The following KHK variants were observed in gnomAD, a reference collection of about 807,000 sequenced individuals.
KHK encodes the protein fructokinase.
Under a neutral mutation model 36.0 loss-of-function variants are expected in KHK, and 37 were observed. The ratio of observed to expected loss-of-function variants is 1.03; its 90% CI spans 0.79 to 1.35. The LOEUF (loss-of-function observed/expected upper bound fraction) is 1.35. KHK is among the 40% of genes most tolerant of loss of function. The probability of loss-of-function intolerance (pLI) is 0.00; values close to 1 mark genes in which losing one functional copy is unlikely to be tolerated. For missense variants in KHK, 395 were observed against 391.9 expected (o/e 1.01, Z -0.07); for synonymous variants, 161 against 162.8 (o/e 0.99, Z 0.08).
intron 1 of KHK, 107 bp from the exon 2 acceptor site, chr2:27,092,225 C>A: frequency 1.1e-6 from 1 of 913,302 alleles, no homozygotes; most frequent in Non-Finnish European, 1.8e-6. Flanking sequence ...GGCCTAGATG[C>A]TTTCTGAGAG....
chr2:27,099,784 CTA>C lies in KHK; in HGVS notation c.*35_*36del, dbSNP rs1354678558. The C allele has an allele frequency of 1.2e-6, 2 of 1,608,988 alleles. No individual in the cohort carries two copies. The highest frequency in any genetic ancestry group is 4.5e-5 in the East Asian group (2 of 44,570). Reference sequence around the variant, plus strand: ...GCCGGCTCCTCACACACCATGGAGACTACCATTGCGGCTGCATCGCCTTCTCC... The same window carrying C: ...GCCGGCTCCTCACACACCATGGAGACCCATTGCGGCTGCATCGCCTTCTCC... On this transcript the variant is annotated 3_prime_UTR_variant, in exon 8 of 8. Coordinates refer to ENST00000260598, the MANE Select transcript of KHK (RefSeq NM_006488.3).
chr2:27,099,754 C>T lies in KHK; in HGVS notation c.*4C>T. ...GGGCTTTGATGGCATCGTGTGAGAG[C>T]AGGTGCCGGCTCCTCACACACCATG... On this transcript the variant is annotated 3_prime_UTR_variant, in exon 8 of 8. Coordinates refer to ENST00000260598, the MANE Select transcript of KHK (RefSeq NM_006488.3). 6.2e-7 allele frequency: 1 copy of T among 1,613,686 alleles called. No homozygotes were observed. The highest frequency in any genetic ancestry group is 8.5e-7 in the Non-Finnish European group (1 of 1,179,812).
intron 4 of KHK, 31 bp downstream of exon 4, chr2:27,096,832 G>A: frequency 5.9e-6 from 9 of 1,518,836 alleles, no homozygotes; most frequent in Non-Finnish European, 8.2e-6. Context: ...GTTTCAAGGG[G>A]CTCAACCTGC....
Position 27,099,967 on chromosome 2 carries a change from C to A in KHK, c.*217C>A. 1.0e-6 allele frequency: 1 copy of A among 986,762 alleles called. No homozygotes were observed. Among genetic ancestry groups the A allele is most frequent in the Non-Finnish European group, 1.5e-6 (1 of 651,238 alleles). 61.1% of individuals were successfully genotyped at this position (986,762 alleles called of 1,614,324 possible). On this transcript the variant is annotated 3_prime_UTR_variant, in exon 8 of 8. Coordinates refer to ENST00000260598, the MANE Select transcript of KHK (RefSeq NM_006488.3). ...CAGAGCAAATAAATCTTCCTCAGAG[C>A]CAGCTTCTCCTCTCAATGTCTGAAC...
intron 3 of KHK, among the ~76,000 whole-genome samples, chr2:27,095,322 TG>T (rs113876615): frequency 0.018 from 2,722 of 152,202 alleles, 91 homozygotes; most frequent in African/African-American, 0.062. Context: ...AGAAGGGCTG[TG>T]GGGGGGTGCC....
In KHK at chr2:27,094,786, G is replaced by A. The variant is rs764917935; in HGVS notation, c.210-14G>A. 6.2e-7 allele frequency: 1 copy of A among 1,613,986 alleles called. No homozygotes were observed. Among genetic ancestry groups the A allele is most frequent in the South Asian group, 1.1e-5 (1 of 91,084 alleles). On this transcript the variant is annotated splice_polypyrimidine_tract_variant and intron_variant, in intron 2 of 7. Coordinates refer to ENST00000260598, the MANE Select transcript of KHK (RefSeq NM_006488.3). Reference sequence around the variant, plus strand: ...GTCTCCTTGCCCTTTTCCTGGCCCGGCCTCCACCCTAAGCTTCCTGGTGGC... The same window carrying A: ...GTCTCCTTGCCCTTTTCCTGGCCCGACCTCCACCCTAAGCTTCCTGGTGGC...
rs757728460 is a variant in KHK at position 27,097,587 on chromosome 2, G to T, written c.502G>T (p.Val168Leu). ...TRQPPEQKIRVSVEVEKPREE... is the reference protein window; with the variant it reads ...TRQPPEQKIRLSVEVEKPREE... Reference sequence around the variant, plus strand: ...GCAGCCTCCAGAGCAGAAGATCCGGGTGTCCGTGGAGGTGGAGAAGCCACG... The same window carrying T: ...GCAGCCTCCAGAGCAGAAGATCCGGTTGTCCGTGGAGGTGGAGAAGCCACG... Residue 168 changes from valine (V) to leucine (L), a missense_variant, in exon 5 of 8, where the codon GTG becomes TTG. Physicochemically the swap from Val to Leu is conservative, Grantham distance 32. Transcript: ENST00000260598. 1 of 1,614,078 alleles carries T rather than the reference G, an allele frequency of 6.2e-7. No homozygotes were observed. Among genetic ancestry groups the T allele is most frequent in the South Asian group, 1.1e-5 (1 of 91,084 alleles).
At chr2:27,096,030 C>T (rs865915193) in intron 3 of KHK, among the ~76,000 whole-genome samples, 1 of 152,302 alleles carries the variant, frequency 6.6e-6, no homozygotes, top group South Asian at 2.1e-4. Context: ...GGGGTTTCAG[C>T]CCCATTTATC....
rs1206349919 is a variant in KHK at position 27,100,186 on chromosome 2, C to T, written c.*436C>T. 2.2e-6 allele frequency: 1 copy of T among 454,466 alleles called. No individual in the cohort carries two copies. The highest frequency in any genetic ancestry group is 2.1e-5 in the South Asian group (1 of 48,528). 28.2% of individuals were successfully genotyped at this position (454,466 alleles called of 1,614,324 possible). A position where few individuals can be genotyped will look rare whatever the true frequency, so the allele number is the denominator to read the frequency against. ...GGTGCCCCACACCCAGTGAACCTGC[C>T]AAAGAAACCGTGAGAGCTCTTCGGG... On this transcript the variant is annotated 3_prime_UTR_variant, in exon 8 of 8. Coordinates refer to ENST00000260598, the MANE Select transcript of KHK (RefSeq NM_006488.3).
At chr2:27,098,270 C>T (rs1670525017) in intron 5 of KHK, among the ~76,000 whole-genome samples, 1 of 151,996 alleles carries the variant, frequency 6.6e-6, no homozygotes, top group African/African-American at 2.4e-5. Context: ...CTTGTAATCC[C>T]AGAGCTTTGG....
chr2:27,092,162 C>T (rs948481861), intron 1 of KHK, among the ~76,000 whole-genome samples, 170 bp from the exon 2 acceptor site: 1 of 152,218 alleles, frequency 6.6e-6, no homozygotes, highest in Non-Finnish European at 1.5e-5. Flanking sequence ...CGCTCTCAGC[C>T]AAGCTCCTTC....
chr2:27,091,455 T>C (rs1166911768), intron 1 of KHK, among the ~76,000 whole-genome samples: 1 of 152,188 alleles, frequency 6.6e-6, no homozygotes, highest in Admixed American at 6.5e-5. Flanking sequence ...CGCGTACAAA[T>C]ATGCTTTGGC....
At chr2:27,098,415 G>A (rs1301373462) in intron 5 of KHK, among the ~76,000 whole-genome samples, 1 of 151,162 alleles carries the variant, frequency 6.6e-6, no homozygotes, top group Admixed American at 6.6e-5. Context: ...CACCTTGGGA[G>A]GCCAATGCAG....
intron 2 of KHK, 195 bp from the exon 3 acceptor site, chr2:27,094,605 A>G (rs1194227563): frequency 6.2e-7 from 1 of 1,614,032 alleles, no homozygotes; most frequent in East Asian, 2.2e-5. Flanking sequence ...ATCCTATACT[A>G]TGACAGGTTT....
At chr2:27,094,510 GGACCTAC>G (rs776109581) in intron 2 of KHK, 59 of 1,613,904 alleles carry the variant, frequency 3.7e-5, no homozygotes, top group African/African-American at 1.3e-5. Context: ...GCTATTCTGT[GGACCTAC>G]GCTACACAGT....
At position 27,099,737 on chromosome 2, in the gene KHK, A is replaced by T; in HGVS notation, c.884A>T (p.Asp295Val). The T allele has an allele frequency of 6.2e-7, 1 of 1,614,026 alleles. No individual in the cohort carries two copies. Among genetic ancestry groups the T allele is most frequent in the Non-Finnish European group, 8.5e-7 (1 of 1,179,976 alleles). The change falls in exon 8 of 8, where the codon GAT (aspartate) becomes GTT (valine). Residue 295 changes from aspartate (D) to valine (V), a missense_variant. By Grantham distance (152) the Asp-to-Val change is radical. Coordinates refer to ENST00000260598, the MANE Select transcript of KHK (RefSeq NM_006488.3). ...AAGAAGTGTGGCCTGCAGGGCTTTG[A>T]TGGCATCGTGTGAGAGCAGGTGCCG... ...AGKKCGLQGFDGIV is the reference protein window; with the variant it reads ...AGKKCGLQGFVGIV
chr2:27,094,831 G>A lies in KHK; in HGVS notation c.241G>A (p.Val81Met), dbSNP rs775231097. ...GGTGGCCGACTTCAGGCGGCGGGGC[G>A]TGGACGTGTCTCAGGTGGCCTGGCA... The part of the protein sequence containing the change: ...FLVADFRRRG[V>M]DVSQVAWQSK... The change falls in exon 3 of 8, where the codon GTG (valine) becomes ATG (methionine). Residue 81 changes from valine (V) to methionine (M), a missense_variant. Val to Met is a conservative substitution (Grantham distance 21, BLOSUM62 1). Transcript: ENST00000260598. 68 of 1,613,912 alleles carry A rather than the reference G, an allele frequency of 4.2e-5. No individual in the cohort carries two copies. Among genetic ancestry groups the A allele is most frequent in the South Asian group, 8.8e-5 (8 of 91,092 alleles).
Position 27,094,717 on chromosome 2 carries a change from C to T in KHK, c.210-83C>T. On this transcript the variant is annotated intron_variant, in intron 2 of 7. Coordinates refer to ENST00000260598, the MANE Select transcript of KHK (RefSeq NM_006488.3). The stretch of plus-strand genomic sequence containing the variant: ...GCTCGTGTGCTCCAGCACCCTCTCC[C>T]CACTCCTTTTGGAGGTCCAGACCAC... 3 of 1,613,024 alleles carry T rather than the reference C, an allele frequency of 1.9e-6. No homozygotes were observed. In the South Asian group the frequency reaches 3.3e-5, roughly 18 times the overall value.
intron 4 of KHK, 33 bp from the exon 5 acceptor site, chr2:27,097,470 C>T (rs1031115023): frequency 2.5e-5 from 41 of 1,611,976 alleles, no homozygotes; most frequent in Non-Finnish European, 3.5e-5. Context: ...CAGGCAGTGC[C>T]CAGCGGTCCT....
Sources: gnomAD v4.1 joint callset for allele counts (sites outside exome capture counted in the v4.1 genomes callset) on GRCh38, gnomAD v4.1.1 for gene constraint, MANE v1.5 for transcripts, NCBI Gene and HGNC (gene_info 2026-07-23, HGNC 2026-07-21) for gene names.